The following HEMK2 variants were observed in gnomAD, a reference collection of about 807,000 sequenced individuals.
The protein encoded by HEMK2 is methyltransferase HEMK2.
chr21:28,661,683 C>T, the HEMK2 span, among the ~76,000 whole-genome samples: 2 of 152,096 alleles, frequency 1.3e-5, no homozygotes, highest in Non-Finnish European at 2.9e-5. Context: ...AAGAACTCTT[C>T]ATTCCTCTAG....
At chr21:28,784,637 A>G in the HEMK2 span, among the ~76,000 whole-genome samples, 24 of 147,258 alleles carry the variant, frequency 1.6e-4, no homozygotes, top group South Asian at 4.4e-4. Flanking sequence ...AGGTTTGTAA[A>G]TGCACCAATC....
chr21:28,647,508 CA>C, the HEMK2 span, among the ~76,000 whole-genome samples: 12 of 111,852 alleles, frequency 1.1e-4, no homozygotes, highest in African/African-American at 2.1e-4. Context: ...AACTCCATCT[CA>C]AAAAAAAAAA....
At chr21:28,798,874 T>TTA in the HEMK2 span, among the ~76,000 whole-genome samples, 2 of 152,208 alleles carry the variant, frequency 1.3e-5, no homozygotes. Context: ...CTTAGGGCAG[T>TTA]TATATCTCCT....
the HEMK2 span, among the ~76,000 whole-genome samples, chr21:28,857,875 G>C: frequency 6.6e-6 from 1 of 152,088 alleles, no homozygotes; most frequent in Admixed American, 6.6e-5. Context: ...TATGTTCTAA[G>C]AACAGGGTCC....
the HEMK2 span, among the ~76,000 whole-genome samples, chr21:28,724,758 C>T: frequency 6.6e-6 from 1 of 152,074 alleles, no homozygotes; most frequent in Non-Finnish European, 1.5e-5. Context: ...TTCTTCACTA[C>T]ATGTATCAGG....
the HEMK2 span, among the ~76,000 whole-genome samples, chr21:28,754,268 G>T: frequency 2.0e-5 from 3 of 152,210 alleles, no homozygotes; most frequent in East Asian, 5.8e-4. Context: ...CAGACTGTCA[G>T]TTCCTCCAGT....
the HEMK2 span, among the ~76,000 whole-genome samples, chr21:28,769,248 T>C: frequency 6.6e-6 from 1 of 151,964 alleles, no homozygotes; most frequent in Non-Finnish European, 1.5e-5. Context: ...CAGAAGCTTC[T>C]GGCATTACCC....
chr21:28,871,875 T>C, the HEMK2 span, among the ~76,000 whole-genome samples: 2 of 152,194 alleles, frequency 1.3e-5, no homozygotes, highest in Non-Finnish European at 2.9e-5. Flanking sequence ...TCTGCCTCTG[T>C]CTTCATATGG....
chr21:28,838,972 AATATATATATATAT>A, the HEMK2 span, among the ~76,000 whole-genome samples: 14 of 29,160 alleles, frequency 4.8e-4, 1 homozygote, highest in South Asian at 8.9e-3. Context: ...AAAAAAAAAA[AATATATATATATAT>A]ATATATATAT....
At chr21:28,699,996 T>C in the HEMK2 span, among the ~76,000 whole-genome samples, 1 of 152,188 alleles carries the variant, frequency 6.6e-6, no homozygotes, top group East Asian at 1.9e-4. Flanking sequence ...TCCCCAAAAC[T>C]AAATGCTAAA....
At chr21:28,868,159 T>G in the HEMK2 span, among the ~76,000 whole-genome samples, 2 of 152,212 alleles carry the variant, frequency 1.3e-5, no homozygotes, top group South Asian at 4.1e-4. Context: ...TTAATTACTG[T>G]TGTTTAATAA....
At chr21:28,623,073 G>C in the HEMK2 span, among the ~76,000 whole-genome samples, 1 of 152,038 alleles carries the variant, frequency 6.6e-6, no homozygotes, top group East Asian at 1.9e-4. Flanking sequence ...GAACATTTGT[G>C]CAATCTATCC....
the HEMK2 span, among the ~76,000 whole-genome samples, chr21:28,652,959 C>G: frequency 6.6e-6 from 1 of 152,134 alleles, no homozygotes; most frequent in Non-Finnish European, 1.5e-5. Flanking sequence ...GGCATTGACC[C>G]AAAAGTTACT....
chr21:28,874,735 T>TCAGTGTCTATCCACATACTTCATCTC, the HEMK2 span: 1 of 152,244 alleles, frequency 6.6e-6, no homozygotes, highest in African/African-American at 2.4e-5. Context: ...TTTTGCCCAT[T>TCAGTGTCTATCCACATACTTCATCTC]CAGTGTCTAT....
At chr21:28,639,007 G>C in the HEMK2 span, among the ~76,000 whole-genome samples, 2 of 152,194 alleles carry the variant, frequency 1.3e-5, no homozygotes, top group African/African-American at 4.8e-5. Context: ...TCGCTTTTAT[G>C]GGAGAAACTG....
the HEMK2 span, among the ~76,000 whole-genome samples, chr21:28,716,267 G>C: frequency 1.5e-4 from 23 of 152,234 alleles, no homozygotes; most frequent in African/African-American, 5.5e-4. Context: ...CATGTGCCTA[G>C]AATGTTTTGT....
the HEMK2 span, among the ~76,000 whole-genome samples, chr21:28,591,138 T>G: frequency 6.6e-6 from 1 of 152,174 alleles, no homozygotes; most frequent in Non-Finnish European, 1.5e-5. Flanking sequence ...AAAAATAATG[T>G]CTATACCATG....
the HEMK2 span, among the ~76,000 whole-genome samples, chr21:28,727,192 T>C: frequency 2.6e-5 from 4 of 152,326 alleles, no homozygotes; most frequent in African/African-American, 9.6e-5. Context: ...TTTGAGGATC[T>C]GGAGGTTGAT....
the HEMK2 span, among the ~76,000 whole-genome samples, chr21:28,579,638 C>A: frequency 6.6e-6 from 1 of 152,050 alleles, no homozygotes; most frequent in Non-Finnish European, 1.5e-5. Context: ...GTAAACATAT[C>A]ATAATACAAA....
Sources: allele counts gnomAD v4.1 joint callset (sites outside exome capture counted in the v4.1 genomes callset), GRCh38; gene constraint gnomAD v4.1.1; transcripts MANE v1.5; gene names NCBI Gene and HGNC (gene_info 2026-07-23, HGNC 2026-07-21).